Variants in GGA2 observed in about 807,000 individuals in gnomAD.
GGA2 encodes the protein golgi associated, gamma adaptin ear containing, ARF binding protein 2, also known as ADP-ribosylation factor-binding protein GGA2.
GGA2 carries 48 observed loss-of-function variants against 79.5 expected under a neutral mutation model. That is an observed-to-expected ratio of 0.60 (90% CI 0.48 to 0.77). The LOEUF is 0.77. Ranked by LOEUF, GGA2 falls within the 30% of genes least tolerant of loss-of-function variation. The probability of loss-of-function intolerance (pLI) is 0.00; values close to 1 mark genes in which losing one functional copy is unlikely to be tolerated. For synonymous variants in GGA2, 317 were observed against 302.0 expected (o/e 1.05, Z -0.51); for missense variants, 770 against 774.0 (o/e 0.99, Z 0.06).
intron 2 of GGA2, among the ~76,000 whole-genome samples, chr16:23,517,813 A>G (rs1965110688): frequency 6.6e-6 from 1 of 151,960 alleles, no homozygotes; most frequent in Admixed American, 6.6e-5. Context: ...GTTAGCCAGG[A>G]TGGTCTCGAT....
chr16:23,495,833 C>T (rs973536647), intron 1 of GGA2, 55 bp from the exon 2 acceptor site: 4 of 1,120,922 alleles, frequency 3.6e-6, no homozygotes, highest in Non-Finnish European at 4.0e-6. Context: ...ATTTACACCC[C>T]TCCCCATACA....
At chr16:23,482,628 T>C (rs1425363195) in intron 9 of GGA2, among the ~76,000 whole-genome samples, 1 of 152,206 alleles carries the variant, frequency 6.6e-6, no homozygotes, top group African/African-American at 2.4e-5. Context: ...GCCCCTGCGA[T>C]TGGTCAGCTT....
chr16:23,482,196 A>G (rs1032802092), intron 9 of GGA2, among the ~76,000 whole-genome samples: 1 of 152,170 alleles, frequency 6.6e-6, no homozygotes, highest in Non-Finnish European at 1.5e-5. Flanking sequence ...CCAGGGAGGT[A>G]GAGGTTGCAG....
chr16:23,480,034 T>TC, intron 10 of GGA2, 147 bp from the exon 11 acceptor site: 1 of 705,138 alleles, frequency 1.4e-6, no homozygotes, highest in Non-Finnish European at 2.3e-6. Flanking sequence ...CAGCTGAGTG[T>TC]CCTGACACAC....
chr16:23,513,521 C>T (rs1458653731), upstream of GGA2, among the ~76,000 whole-genome samples: 8 of 152,178 alleles, frequency 5.3e-5, no homozygotes, highest in East Asian at 7.7e-4. Context: ...TGGTGGCTCA[C>T]ACCTGTAATC....
At chr16:23,494,449 C>G in intron 2 of GGA2, 71 bp from the exon 3 acceptor site, 1 of 977,966 alleles carries the variant, frequency 1.0e-6, no homozygotes, top group Admixed American at 1.7e-5. Flanking sequence ...TGAGCATGCT[C>G]AGTAAAATCA....
chr16:23,491,723 C>G lies in GGA2; in HGVS notation c.429G>C (p.Pro143=). 2 of 1,612,652 alleles carry G rather than the reference C, an allele frequency of 1.2e-6. No individual in the cohort carries two copies. The highest frequency in any genetic ancestry group is 1.7e-6 in the Non-Finnish European group (2 of 1,178,700). ...AAGCGTCTCGAATCTTGATGTCTTC[C>G]GGAAACCAGACTGTCCAACTGAAGA... ...EILFSWTVWF[P]EDIKIRDAYQ... The change falls in exon 5 of 17, where the codon CCG becomes CCC. Residue 143 remains proline, a synonymous_variant. Transcript: ENST00000309859.
At chr16:23,515,989 C>A (rs189166039) in intron 2 of GGA2, among the ~76,000 whole-genome samples, 1 of 149,000 alleles carries the variant, frequency 6.7e-6, no homozygotes, top group East Asian at 2.0e-4. Flanking sequence ...CAATTACAGG[C>A]ATAAGCCATC....
intron 15 of GGA2, 62 bp from the exon 16 acceptor site, chr16:23,469,058 C>G: frequency 9.5e-7 from 1 of 1,055,550 alleles, no homozygotes. Flanking sequence ...GGATGGAGAT[C>G]AGGTGAGGGG....
chr16:23,479,264 G>A (rs536596254), intron 11 of GGA2, among the ~76,000 whole-genome samples: 1 of 151,820 alleles, frequency 6.6e-6, no homozygotes, highest in East Asian at 1.9e-4. Flanking sequence ...CAGCAGGCAT[G>A]TGCTTCCTGA....
chr16:23,486,559 G>A, intron 7 of GGA2, 151 bp downstream of exon 7: 1 of 699,572 alleles, frequency 1.4e-6, no homozygotes, highest in East Asian at 2.5e-5. Context: ...GCCCTTGAGG[G>A]AGACTATGGC....
At chr16:23,517,797 C>T (rs1378982766) in intron 2 of GGA2, among the ~76,000 whole-genome samples, 1 of 152,128 alleles carries the variant, frequency 6.6e-6, no homozygotes, top group Non-Finnish European at 1.5e-5. Flanking sequence ...GACAGGGTTT[C>T]ACTGTGTTAG....
At chr16:23,492,166 T>C (rs1434902316) in intron 4 of GGA2, among the ~76,000 whole-genome samples, 1 of 152,040 alleles carries the variant, frequency 6.6e-6, no homozygotes, top group East Asian at 1.9e-4. Flanking sequence ...GTCACAAGAG[T>C]GTCTTGTTAT....
chr16:23,480,569 T>C lies in GGA2; in HGVS notation c.1006+76A>G, dbSNP rs145743553. On this transcript the variant is annotated intron_variant, in intron 10 of 16. Coordinates refer to ENST00000309859, the MANE Select transcript of GGA2 (RefSeq NM_015044.4). ...TTTCTATTCCTTAACCCAGAATATG[T>C]TTAGGACCCATTTCTTTTCTGGGAA... 106 of 1,298,426 alleles carry C rather than the reference T, an allele frequency of 8.2e-5. No individual in the cohort carries two copies. The East Asian group carries it at 2.5e-3, about 30-fold the overall frequency. 80.4% of individuals were successfully genotyped at this position (1,298,426 alleles called of 1,614,324 possible).
At chr16:23,521,041 C>T (rs1219719288) in intron 1 of GGA2, among the ~76,000 whole-genome samples, 1 of 152,156 alleles carries the variant, frequency 6.6e-6, no homozygotes, top group Non-Finnish European at 1.5e-5. Flanking sequence ...ATCTGCCTGC[C>T]TTGGCCTCCC....
At chr16:23,472,229 T>C (rs567345079) in intron 14 of GGA2, among the ~76,000 whole-genome samples, 159 of 144,396 alleles carry the variant, frequency 1.1e-3, no homozygotes, top group African/African-American at 3.8e-3. Flanking sequence ...AGTCTCACTG[T>C]GTCACCCAGG....
intron 2 of GGA2, among the ~76,000 whole-genome samples, chr16:23,517,866 T>G (rs1456328009): frequency 1.3e-5 from 2 of 152,194 alleles, no homozygotes; most frequent in Non-Finnish European, 2.9e-5. Flanking sequence ...CCCAAAATGC[T>G]GGGATTACAG....
At chr16:23,479,995 C>G in intron 10 of GGA2, 108 bp from the exon 11 acceptor site, 1 of 965,536 alleles carries the variant, frequency 1.0e-6, no homozygotes, top group Non-Finnish European at 1.5e-6. Flanking sequence ...ATGGTAACGC[C>G]CTCCCTGCCC....
At position 23,490,651 on chromosome 16, in the gene GGA2, C is replaced by T. The variant is rs1964770823; in HGVS notation, c.475+1026G>A. On this transcript the variant is annotated intron_variant, in intron 5 of 16. Coordinates refer to ENST00000309859, the MANE Select transcript of GGA2 (RefSeq NM_015044.4). ...TCGAGAAGCTGAGGCACAAGAATTA[C>T]TTGAACCCAGGAGGCGGAGGTTGCA... is the stretch of plus-strand genomic sequence containing the variant. 2.6e-5 allele frequency among the ~76,000 whole-genome samples: 4 copies of T among 151,676 alleles called. No homozygotes were observed. In the South Asian group the frequency reaches 8.3e-4, roughly 32 times the overall value.
Sources: gnomAD v4.1 joint callset for allele counts (sites outside exome capture counted in the v4.1 genomes callset) on GRCh38, gnomAD v4.1.1 for gene constraint, MANE v1.5 for transcripts, NCBI Gene and HGNC (gene_info 2026-07-23, HGNC 2026-07-21) for gene names.